The following ZIC4 variants were observed in gnomAD, a reference collection of about 807,000 sequenced individuals.
ZIC4 encodes zinc finger protein ZIC 4.
In ZIC4, 15 loss-of-function variants were observed where a neutral mutation model predicts 28.8. The ratio of observed to expected loss-of-function variants is 0.52; its 90% confidence interval spans 0.35 to 0.80. ZIC4 has a LOEUF of 0.80. Among genes scored for constraint, ZIC4 ranks in the 30% least tolerant of loss-of-function variants. The pLI is 0.01. For synonymous variants in ZIC4, 220 were observed against 198.1 expected (o/e 1.11, Z -0.93); for missense variants, 512 against 467.1 (o/e 1.10, Z -0.89).
intron 4 of ZIC4, chr3:147,389,240 A>C: frequency 4.1e-6 from 1 of 246,014 alleles, no homozygotes; most frequent in Non-Finnish European, 7.8e-6. Flanking sequence ...GAGTCATGAA[A>C]ATAGTTCCAC....
chr3:147,394,114 TTCCCTC>T (rs1208851087), intron 3 of ZIC4, among the ~76,000 whole-genome samples: 1 of 140,632 alleles, frequency 7.1e-6, no homozygotes, highest in Non-Finnish European at 1.6e-5. Flanking sequence ...AATATTTTTT[TTCCCTC>T]TCTCTCTCTC....
intron 3 of ZIC4, among the ~76,000 whole-genome samples, chr3:147,394,677 A>T (rs2087001270): frequency 6.6e-6 from 1 of 152,128 alleles, no homozygotes; most frequent in East Asian, 1.9e-4. Context: ...CCTGAAAAGA[A>T]CTCAGGGAAA....
chr3:147,396,647 C>A lies in ZIC4; in HGVS notation c.71-178G>T. ...TGGACAGAGCAAGGCCAAACACCTC[C>A]GCCGCCATTGGGCCGAATTGCTGTT... is the stretch of plus-strand genomic sequence containing the variant. On this transcript the variant is annotated intron_variant, in intron 2 of 4. Coordinates refer to ENST00000383075, the MANE Select transcript of ZIC4 (RefSeq NM_032153.6). This position sits in a 1 kb window ranked among gnomAD's most constrained non-coding sequence, Gnocchi z 4.2. 1 of 721,798 alleles carries A rather than the reference C, an allele frequency of 1.4e-6. No individual in the cohort carries two copies. The highest frequency in any genetic ancestry group is 2.0e-6 in the Non-Finnish European group (1 of 492,870). 44.7% of individuals were successfully genotyped at this position (721,798 alleles called of 1,614,324 possible). A position where few individuals can be genotyped will look rare whatever the true frequency, so the allele number is the denominator to read the frequency against.
intron 4 of ZIC4, among the ~76,000 whole-genome samples, chr3:147,390,137 G>A (rs2086882816): frequency 1.3e-5 from 2 of 152,246 alleles, no homozygotes; most frequent in South Asian, 4.1e-4. Context: ...TTATCTGTGT[G>A]CCCAGGCCAC....
Position 147,388,749 on chromosome 3 carries a change from C to G in ZIC4, c.*110G>C, listed in dbSNP as rs2086844806. 1.2e-5 allele frequency: 9 copies of G among 721,666 alleles called. No homozygotes were observed. Among genetic ancestry groups the G allele is most frequent in the African/African-American group, 1.8e-5 (1 of 56,610 alleles). 44.7% of individuals were successfully genotyped at this position (721,666 alleles called of 1,614,324 possible). ...ATCCTAACTTACCATGAAGATGCAC[C>G]GTGGCGAAGAAACACTGCTTTGTGC... On this transcript the variant is annotated 3_prime_UTR_variant, in exon 5 of 5. Transcript: ENST00000383075.
chr3:147,403,841 G>GTT, intron 1 of ZIC4: 1 of 988,250 alleles, frequency 1.0e-6, no homozygotes, highest in Non-Finnish European at 1.4e-6. Context: ...TATGCACAAA[G>GTT]ATCTCTCTCT....
In ZIC4 at chr3:147,388,698, A is replaced by C. The variant is rs1388725759; in HGVS notation, c.*161T>G. 3.2e-6 allele frequency: 2 copies of C among 626,570 alleles called. No individual in the cohort carries two copies. The allele number at this position is 626,570 out of a possible 1,614,324, so 38.8% of individuals were successfully genotyped here. The stretch of plus-strand genomic sequence containing the variant: ...TCCAGGCTTGGCCTTTCAGGATTTC[A>C]GTGCGACTTGCACATTGCCATAGAA... On this transcript the variant is annotated 3_prime_UTR_variant, in exon 5 of 5. Coordinates refer to ENST00000383075, the MANE Select transcript of ZIC4 (RefSeq NM_032153.6).
intron 3 of ZIC4, chr3:147,393,687 C>T (rs937565403): frequency 2.0e-4 from 59 of 288,764 alleles, no homozygotes; most frequent in Non-Finnish European, 3.8e-4. Flanking sequence ...GCGACTGCGC[C>T]CCGGCGCGGT....
Position 147,386,316 on chromosome 3 carries a change from G to T in ZIC4, c.*2543C>A, listed in dbSNP as rs932782075. On this transcript the variant is annotated 3_prime_UTR_variant, in exon 5 of 5. Coordinates refer to ENST00000383075, the MANE Select transcript of ZIC4 (RefSeq NM_032153.6). ...AATCACAAACAGTGTGGGTAGAGAGGGTACAAATAGTCTAAAGATTTCAGC... is the reference window on the plus strand; with the variant it reads ...AATCACAAACAGTGTGGGTAGAGAGTGTACAAATAGTCTAAAGATTTCAGC... The T allele has an allele frequency of 6.6e-6, 1 of 152,384 alleles. No homozygotes were observed. The highest frequency in any genetic ancestry group is 2.4e-5 in the African/African-American group (1 of 41,404). 9.4% of individuals were successfully genotyped at this position (152,384 alleles called of 1,614,324 possible).
At chr3:147,405,344 A>G in intron 1 of ZIC4, 1 of 1,524,624 alleles carries the variant, frequency 6.6e-7, no homozygotes, top group South Asian at 1.2e-5. Flanking sequence ...TGCGAGGACA[A>G]TACTGTCGGA....
At chr3:147,405,343 A>T in intron 1 of ZIC4, 1 of 1,523,372 alleles carries the variant, frequency 6.6e-7, no homozygotes, top group Non-Finnish European at 8.8e-7. Flanking sequence ...CTGCGAGGAC[A>T]ATACTGTCGG....
At chr3:147,390,382 G>A (rs931732350) in intron 4 of ZIC4, among the ~76,000 whole-genome samples, 1 of 143,502 alleles carries the variant, frequency 7.0e-6, no homozygotes, top group African/African-American at 2.5e-5. Flanking sequence ...AACTTCTGAG[G>A]TTGGAATTAA....
intron 2 of ZIC4, among the ~76,000 whole-genome samples, chr3:147,397,361 A>G (rs1278236714): frequency 6.6e-6 from 1 of 151,054 alleles, no homozygotes; most frequent in East Asian, 2.0e-4. Flanking sequence ...CCCTGCTCCA[A>G]CCGCCACCCC....
At chr3:147,403,803 CTG>C (rs768039248) in intron 1 of ZIC4, 24 of 731,352 alleles carry the variant, frequency 3.3e-5, no homozygotes, top group Non-Finnish European at 4.2e-5. Flanking sequence ...AAGTGGGACT[CTG>C]TTATCTTAAA....
At chr3:147,404,011 C>G in intron 1 of ZIC4, 2 of 1,537,154 alleles carry the variant, frequency 1.3e-6, no homozygotes, top group Non-Finnish European at 1.7e-6. Flanking sequence ...AACCAAAAGG[C>G]ATTCTTCCCC....
chr3:147,394,642 A>C (rs2087000249), intron 3 of ZIC4, among the ~76,000 whole-genome samples: 1 of 152,068 alleles, frequency 6.6e-6, no homozygotes, highest in Non-Finnish European at 1.5e-5. Context: ...TGAGGGGGTG[A>C]GATCCATGCG....
At chr3:147,401,718 A>G (rs2087167675) in intron 2 of ZIC4, among the ~76,000 whole-genome samples, 1 of 152,178 alleles carries the variant, frequency 6.6e-6, no homozygotes, top group Non-Finnish European at 1.5e-5. Flanking sequence ...GGATTTTGGC[A>G]ATAAAAGAGG....
At chr3:147,404,543 C>T (rs1282038412) in intron 1 of ZIC4, among the ~76,000 whole-genome samples, 1 of 152,150 alleles carries the variant, frequency 6.6e-6, no homozygotes, top group Admixed American at 6.5e-5. Flanking sequence ...ACCTGAGGTC[C>T]CAAACAACCA....
chr3:147,386,605 T>G lies in ZIC4; in HGVS notation c.*2254A>C, dbSNP rs1190316543. The G allele has an allele frequency of 1.3e-5, 2 of 152,494 alleles. No individual in the cohort carries two copies. The highest frequency in any genetic ancestry group is 6.5e-5 in the Admixed American group (1 of 15,284). The allele number at this position is 152,494 out of a possible 1,614,324, so 9.4% of individuals were successfully genotyped here. A position where few individuals can be genotyped will look rare whatever the true frequency, so the allele number is the denominator to read the frequency against. ...GGGGGACCAGCACATCCTTATTTATTTAAACCACCTTTAAAACCACCACAG... is the reference window on the plus strand; with the variant it reads ...GGGGGACCAGCACATCCTTATTTATGTAAACCACCTTTAAAACCACCACAG... On this transcript the variant is annotated 3_prime_UTR_variant, in exon 5 of 5. Transcript: ENST00000383075.
Sources: allele counts gnomAD v4.1 joint callset (sites outside exome capture counted in the v4.1 genomes callset), GRCh38; gene constraint gnomAD v4.1.1; non-coding constraint Gnocchi (gnomAD v3.1); transcripts MANE v1.5; gene names NCBI Gene and HGNC (gene_info 2026-07-23, HGNC 2026-07-21).